CCDC148: variants seen among roughly 807,000 people sequenced by gnomAD.
CCDC148 encodes the protein coiled-coil domain-containing protein 148.
Under a neutral mutation model 85.7 loss-of-function variants are expected in CCDC148, and 89 were observed. That is an observed-to-expected ratio of 1.04 (90% CI 0.87 to 1.24). The LOEUF is 1.24. Ranked by LOEUF, CCDC148 falls within the 50% of genes most tolerant of loss-of-function variation. The pLI is 0.00. For missense variants in CCDC148, 692 were observed against 671.7 expected, an observed-to-expected ratio of 1.03 and a Z score of -0.33; for synonymous variants, 230 against 213.9, an observed-to-expected ratio of 1.08 and a Z score of -0.66.
chr2:158,271,946 G>A (rs1413332465), intron 9 of CCDC148, among the ~76,000 whole-genome samples: 1 of 152,066 alleles, frequency 6.6e-6, no homozygotes, highest in East Asian at 1.9e-4. Context: ...AACTACTTTA[G>A]CTTAGAAATC....
At chr2:158,249,066 G>T (rs191409064) in intron 10 of CCDC148, among the ~76,000 whole-genome samples, 154 of 152,162 alleles carry the variant, frequency 1.0e-3, no homozygotes, top group Non-Finnish European at 1.8e-3. Context: ...GTGTAGCCAT[G>T]CCAGTTCCTC....
At chr2:158,198,664 CT>C (rs997363463) in intron 11 of CCDC148, among the ~76,000 whole-genome samples, 3 of 151,458 alleles carry the variant, frequency 2.0e-5, no homozygotes, top group Admixed American at 6.6e-5. Context: ...GCTTCAAGGT[CT>C]TTTTTTTTCC....
At chr2:158,423,509 C>A (rs919171385) in intron 1 of CCDC148, among the ~76,000 whole-genome samples, 3 of 152,132 alleles carry the variant, frequency 2.0e-5, no homozygotes, top group African/African-American at 7.2e-5. Flanking sequence ...AACTGGCTAG[C>A]CATATGTAGA....
chr2:158,369,721 G>A (rs1357246864), intron 1 of CCDC148, among the ~76,000 whole-genome samples: 1 of 152,122 alleles, frequency 6.6e-6, no homozygotes, highest in African/African-American at 2.4e-5. Flanking sequence ...AACAGGAGTG[G>A]TGGGAGAGGG....
intron 1 of CCDC148, among the ~76,000 whole-genome samples, chr2:158,386,648 A>G (rs1297623954): frequency 6.6e-6 from 1 of 152,144 alleles, no homozygotes; most frequent in Non-Finnish European, 1.5e-5. Context: ...TCATCTTTCC[A>G]TAAATTCAAC....
intron 1 of CCDC148, among the ~76,000 whole-genome samples, chr2:158,406,635 T>TTG (rs1559124725): frequency 7.9e-6 from 1 of 126,056 alleles, no homozygotes; most frequent in Non-Finnish European, 1.8e-5. Flanking sequence ...TTTTTTTTTT[T>TTG]TTTTTGAGAC....
chr2:158,218,552 C>G (rs186075415), intron 11 of CCDC148, among the ~76,000 whole-genome samples: 2 of 152,176 alleles, frequency 1.3e-5, no homozygotes, highest in African/African-American at 4.8e-5. Context: ...AAGAAGCTCC[C>G]TGACTATGAG....
At chr2:158,252,971 C>T (rs932833718) in intron 9 of CCDC148, among the ~76,000 whole-genome samples, 17 of 151,918 alleles carry the variant, frequency 1.1e-4, no homozygotes, top group African/African-American at 3.6e-4. Flanking sequence ...CCTGCTTCTC[C>T]TTTCCAAATA....
intron 1 of CCDC148, among the ~76,000 whole-genome samples, chr2:158,433,087 A>ATATATATATATATATAT (rs1242018411): frequency 2.7e-4 from 14 of 51,600 alleles, no homozygotes; most frequent in East Asian, 1.2e-3. Context: ...AAAAAAAAAA[A>ATATATATATATATATAT]AAAAATATAT....
At chr2:158,232,429 G>A (rs936121681) in intron 10 of CCDC148, among the ~76,000 whole-genome samples, 1 of 151,786 alleles carries the variant, frequency 6.6e-6, no homozygotes, top group African/African-American at 2.4e-5. Context: ...CTTGTAAACA[G>A]AACATTTATA....
chr2:158,417,969 G>T (rs1686580006), intron 1 of CCDC148, among the ~76,000 whole-genome samples: 1 of 152,052 alleles, frequency 6.6e-6, no homozygotes, highest in African/African-American at 2.4e-5. Context: ...TTAAAAATAT[G>T]CATAGTTCAA....
Position 158,217,310 on chromosome 2 carries a change from G to GTA in CCDC148, c.1370+3283_1370+3284dup, listed in dbSNP as rs201318722. Among the ~76,000 whole-genome samples the GTA allele has an allele frequency of 2.5e-3, 278 of 109,644 alleles. 3 individuals carry two copies. Among genetic ancestry groups the GTA allele is most frequent in the African/African-American group, 8.5e-3 (254 of 29,740 alleles). 71.9% of individuals were successfully genotyped at this position (109,644 alleles called of 152,430 possible). ...TCAACCTATCATTTTATTTATGTAG[G>GTA]TATATATATATATATATAATTTTGT... On this transcript the variant is annotated intron_variant, in intron 11 of 13. Coordinates refer to ENST00000283233, the MANE Select transcript of CCDC148 (RefSeq NM_138803.4).
At chr2:158,357,979 T>G (rs555977453) in intron 2 of CCDC148, among the ~76,000 whole-genome samples, 1 of 152,162 alleles carries the variant, frequency 6.6e-6, no homozygotes, top group Non-Finnish European at 1.5e-5. Context: ...CACTTGCACA[T>G]AATCTCCTTT....
chr2:158,334,495 T>TTAAAAAATATTTATGCCA (rs2105236330), intron 7 of CCDC148, among the ~76,000 whole-genome samples: 1 of 152,206 alleles, frequency 6.6e-6, no homozygotes, highest in African/African-American at 2.4e-5. Flanking sequence ...ATGCTAGATT[T>TTAAAAAATATTTATGCCA]TTGAATGGCC....
chr2:158,436,068 T>C (rs907962931), intron 1 of CCDC148, among the ~76,000 whole-genome samples: 27 of 152,056 alleles, frequency 1.8e-4, no homozygotes, highest in South Asian at 2.1e-4. Context: ...GACAGATCAA[T>C]GAGACAGAAA....
At position 158,220,590 on chromosome 2, in the gene CCDC148, T is replaced by G; in HGVS notation, c.1370+5A>C. On this transcript the variant is annotated splice_donor_5th_base_variant and intron_variant, in intron 11 of 13. Transcript: ENST00000283233. ...ATTACCACACAATTTTAAATTTTCTTTTACCTTTCTCTGTCTTTTAGTGAC... is the reference window on the plus strand; with the variant it reads ...ATTACCACACAATTTTAAATTTTCTGTTACCTTTCTCTGTCTTTTAGTGAC... 6.3e-7 allele frequency: 1 copy of G among 1,596,034 alleles called. No individual in the cohort carries two copies. Among genetic ancestry groups the G allele is most frequent in the Non-Finnish European group, 8.6e-7 (1 of 1,169,462 alleles).
chr2:158,394,621 A>G (rs1245928283), intron 1 of CCDC148, among the ~76,000 whole-genome samples: 1 of 152,038 alleles, frequency 6.6e-6, no homozygotes, highest in Non-Finnish European at 1.5e-5. Context: ...AGGAAAAAAA[A>G]AAACTGTGGA....
At chr2:158,219,483 G>A (rs186768494) in intron 11 of CCDC148, among the ~76,000 whole-genome samples, 2 of 152,274 alleles carry the variant, frequency 1.3e-5, no homozygotes, top group African/African-American at 4.8e-5. Context: ...AGAGGAAGGG[G>A]ATTTCCTTCC....
intron 1 of CCDC148, among the ~76,000 whole-genome samples, chr2:158,359,118 T>C (rs1008895227): frequency 6.6e-6 from 1 of 152,160 alleles, no homozygotes; most frequent in East Asian, 1.9e-4. Context: ...TACATCCAAA[T>C]ACATACAATG....
Sources: gnomAD v4.1 joint callset for allele counts (sites outside exome capture counted in the v4.1 genomes callset) on GRCh38, gnomAD v4.1.1 for gene constraint, MANE v1.5 for transcripts, NCBI Gene and HGNC (gene_info 2026-07-23, HGNC 2026-07-21) for gene names.